KMT2C: variants seen among roughly 807,000 people sequenced by gnomAD.
The protein encoded by KMT2C is histone-lysine N-methyltransferase 2C.
In KMT2C, 88 loss-of-function variants were observed where a neutral mutation model predicts 507.9. The ratio of observed to expected loss-of-function variants is 0.17; its 90% CI spans 0.15 to 0.21. The LOEUF is 0.21. KMT2C is among the 10% of genes least tolerant of loss of function. The pLI, the probability that KMT2C is intolerant of heterozygous loss-of-function variation, is 1.00. For missense variants in KMT2C, 4,954 were observed against 5,957.8 expected, an observed-to-expected ratio of 0.83 and a Z score of 5.55; for synonymous variants, 2,049 against 2,080.8, an observed-to-expected ratio of 0.98 and a Z score of 0.42.
intron 6 of KMT2C, among the ~76,000 whole-genome samples, chr7:152,281,755 G>T (rs907665795): frequency 2.0e-5 from 3 of 149,664 alleles, no homozygotes; most frequent in Non-Finnish European, 4.5e-5. Context: ...AAAAAAAAAA[G>T]AAATTACTTT....
At chr7:152,326,111 G>A (rs1164478068) in intron 3 of KMT2C, among the ~76,000 whole-genome samples, 3 of 152,066 alleles carry the variant, frequency 2.0e-5, no homozygotes, top group Non-Finnish European at 4.4e-5. Flanking sequence ...TAATTTATTA[G>A]TGTGTTACAA....
At chr7:152,256,815 T>TTTC (rs2095669095) in intron 9 of KMT2C, among the ~76,000 whole-genome samples, 2 of 152,132 alleles carry the variant, frequency 1.3e-5, no homozygotes, top group African/African-American at 2.4e-5. Context: ...ATACACCACT[T>TTTC]TTCGCCCAGA....
At chr7:152,257,860 C>T (rs1210916810) in intron 9 of KMT2C, among the ~76,000 whole-genome samples, 1 of 147,550 alleles carries the variant, frequency 6.8e-6, no homozygotes, top group African/African-American at 2.7e-5. Flanking sequence ...GAGCTACACA[C>T]ACACGCACAC....
chr7:152,252,775 T>C, intron 9 of KMT2C, 60 bp from the exon 10 acceptor site: 1 of 1,242,328 alleles, frequency 8.0e-7, no homozygotes, highest in Non-Finnish European at 1.1e-6. Flanking sequence ...ATTGTAGTTC[T>C]GATGTAAACC....
chr7:152,394,826 A>G (rs1365636180), intron 1 of KMT2C, among the ~76,000 whole-genome samples: 3 of 152,222 alleles, frequency 2.0e-5, no homozygotes, highest in African/African-American at 7.2e-5. Flanking sequence ...TTTAGCAACT[A>G]TCGACAACAA....
intron 23 of KMT2C, among the ~76,000 whole-genome samples, chr7:152,208,248 C>G (rs1357996102): frequency 2.6e-5 from 4 of 151,752 alleles, no homozygotes; most frequent in Admixed American, 6.6e-5. Flanking sequence ...CTCACTCCCA[C>G]CAGTGAACTA....
chr7:152,280,097 A>G (rs1473489786), intron 6 of KMT2C, among the ~76,000 whole-genome samples: 28 of 151,732 alleles, frequency 1.8e-4, no homozygotes, highest in African/African-American at 6.8e-4. Context: ...TTGAAAGCGG[A>G]GTTTTCTCCA....
At chr7:152,373,248 T>C (rs1407684472) in intron 1 of KMT2C, among the ~76,000 whole-genome samples, 1 of 152,186 alleles carries the variant, frequency 6.6e-6, no homozygotes, top group Non-Finnish European at 1.5e-5. Flanking sequence ...ATATTATTTG[T>C]TTATTACTGT....
At chr7:152,196,169 A>G (rs1215382880) in intron 27 of KMT2C, among the ~76,000 whole-genome samples, 158 bp from the exon 28 acceptor site, 1 of 152,214 alleles carries the variant, frequency 6.6e-6, no homozygotes, top group African/African-American at 2.4e-5. Flanking sequence ...ATAGCAAAGG[A>G]GATAATGTTT....
chr7:152,415,670 G>C (rs1267919261), intron 1 of KMT2C, among the ~76,000 whole-genome samples: 3 of 152,132 alleles, frequency 2.0e-5, no homozygotes, highest in African/African-American at 7.2e-5. Flanking sequence ...CATGAGATCA[G>C]GTGCTCGAGA....
chr7:152,419,895 C>T (rs1386053530), intron 1 of KMT2C, among the ~76,000 whole-genome samples: 1 of 152,202 alleles, frequency 6.6e-6, no homozygotes, highest in African/African-American at 2.4e-5. Flanking sequence ...GTACTAGTTT[C>T]TCACTCCCCT....
intron 1 of KMT2C, among the ~76,000 whole-genome samples, chr7:152,433,838 C>A (rs1253563967): frequency 6.6e-6 from 1 of 152,260 alleles, no homozygotes; most frequent in Non-Finnish European, 1.5e-5. Flanking sequence ...AGGGTGTGTG[C>A]GAGTGTGCGC....
In KMT2C at chr7:152,162,282, G is replaced by A. The variant is rs753271676; in HGVS notation, c.11295C>T (p.Ala3765=). The A allele has an allele frequency of 1.2e-5, 19 of 1,614,096 alleles. No individual in the cohort carries two copies. The South Asian group carries it at 1.6e-4, about 14-fold the overall frequency. ...TCCCTGAGTCTCCTTTGGCAGCAGG[G>A]GCCCCAGCAGAATGGGGAGGACTCT... The part of the protein sequence containing the change: ...SAQSPPHSAG[A]PAAKGDSGNE... Residue 3765 remains alanine, a synonymous_variant, in exon 43 of 59, where the codon GCC becomes GCT. Coordinates refer to ENST00000262189, the MANE Select transcript of KMT2C (RefSeq NM_170606.3).
At chr7:152,224,355 T>C in intron 19 of KMT2C, 80 bp downstream of exon 19, 1 of 1,415,840 alleles carries the variant, frequency 7.1e-7, no homozygotes, top group African/African-American at 1.4e-5. Flanking sequence ...TAAATAGGTG[T>C]GGCTAATTTT....
intron 1 of KMT2C, among the ~76,000 whole-genome samples, chr7:152,432,270 T>C (rs1408878219): frequency 1.3e-5 from 2 of 152,158 alleles, no homozygotes; most frequent in African/African-American, 4.8e-5. Context: ...GTAAGAAACA[T>C]AGTAGAGTAG....
intron 26 of KMT2C, among the ~76,000 whole-genome samples, chr7:152,200,824 T>C (rs774791907): frequency 1.4e-4 from 22 of 152,184 alleles, no homozygotes; most frequent in Non-Finnish European, 2.9e-4. Context: ...TTATTAACAA[T>C]ACTACCCTTT....
At position 152,220,737 on chromosome 7, in the gene KMT2C, T is replaced by C; in HGVS notation, c.3500-2A>G. 1 of 1,595,046 alleles carries C rather than the reference T, an allele frequency of 6.3e-7. No homozygotes were observed. ...CCTGGGTATAAGTCTTGGGTGGGTC[T>C]AAAATTACAAAATCCCAAGGATACA... On this transcript the variant is annotated splice_acceptor_variant, in intron 22 of 58. Transcript: ENST00000262189. LOFTEE classifies it high-confidence loss of function.
intron 4 of KMT2C, among the ~76,000 whole-genome samples, chr7:152,314,713 T>C (rs1302104648): frequency 1.3e-5 from 2 of 152,134 alleles, no homozygotes; most frequent in Non-Finnish European, 2.9e-5. Flanking sequence ...TGAAAACCAA[T>C]TCTGGATTTG....
At chr7:152,325,209 T>C (rs1334453150) in intron 3 of KMT2C, among the ~76,000 whole-genome samples, 1 of 151,898 alleles carries the variant, frequency 6.6e-6, no homozygotes, top group African/African-American at 2.4e-5. Context: ...TGGAGTGCAA[T>C]GGTGCGATCT....
Sources: allele counts gnomAD v4.1 joint callset (sites outside exome capture counted in the v4.1 genomes callset), GRCh38; gene constraint gnomAD v4.1.1; transcripts MANE v1.5; gene names NCBI Gene and HGNC (gene_info 2026-07-23, HGNC 2026-07-21).